Variants in VPS13B observed in about 807,000 individuals in gnomAD.
The protein encoded by VPS13B is intermembrane lipid transfer protein VPS13B.
VPS13B carries 285 observed loss-of-function variants against 426.4 expected under a neutral mutation model. The ratio of observed to expected loss-of-function variants is 0.67; its 90% confidence interval spans 0.61 to 0.74. The LOEUF is 0.74. Among genes scored for constraint, VPS13B ranks in the 30% least tolerant of loss-of-function variants. The pLI, the probability that VPS13B is intolerant of heterozygous loss-of-function variation, is 0.00. For synonymous variants in VPS13B, 1,676 were observed against 1,676.4 expected, an observed-to-expected ratio of 1.00 and a Z score of 0.01; for missense variants, 4,537 against 4,782.6, an observed-to-expected ratio of 0.95 and a Z score of 1.51.
intron 24 of VPS13B, among the ~76,000 whole-genome samples, chr8:99,478,060 CAACAT>C (rs1215971546): frequency 6.8e-6 from 1 of 146,614 alleles, no homozygotes; most frequent in African/African-American, 2.5e-5. Flanking sequence ...ACCACTTGAG[CAACAT>C]AACAACATGC....
chr8:99,263,884 C>G (rs957166076), intron 17 of VPS13B, among the ~76,000 whole-genome samples: 5 of 152,290 alleles, frequency 3.3e-5, no homozygotes, highest in African/African-American at 1.2e-4. Flanking sequence ...GGCCAATACT[C>G]ATAGCCTCTG....
intron 33 of VPS13B, 100 bp from the exon 34 acceptor site, chr8:99,641,711 T>C (rs1829370711): frequency 8.2e-7 from 1 of 1,220,714 alleles, no homozygotes; most frequent in Non-Finnish European, 1.1e-6. Flanking sequence ...ACTAGACTCA[T>C]TTTTAAAATT....
intron 43 of VPS13B, among the ~76,000 whole-genome samples, chr8:99,785,111 T>TTCCTG (rs1228285410): frequency 6.6e-6 from 1 of 152,296 alleles, no homozygotes; most frequent in Middle Eastern, 3.4e-3. Context: ...TAATTTCATT[T>TTCCTG]TCCTGTCCCT....
intron 3 of VPS13B, among the ~76,000 whole-genome samples, chr8:99,048,710 G>C (rs951146560): frequency 6.6e-6 from 1 of 152,010 alleles, no homozygotes; most frequent in Non-Finnish European, 1.5e-5. Flanking sequence ...AGCCACTCAG[G>C]GGGCTGAGGC....
rs148898705 is a variant in VPS13B at position 99,565,516 on chromosome 8, A to T, written c.4949+8863A>T. ...ACATTGAATATGGGGAACTATGGCT[A>T]TGTGTAGGCATTAAAATTCCTAAAC... On this transcript the variant is annotated intron_variant, in intron 31 of 61. Coordinates refer to ENST00000357162, the MANE Select transcript of VPS13B (RefSeq NM_152564.5). 6.2e-3 allele frequency among the ~76,000 whole-genome samples: 937 copies of T among 152,272 alleles called. 13 individuals are homozygous for T. Among genetic ancestry groups the T allele is most frequent in the African/African-American group, 0.021 (892 of 41,546 alleles).
chr8:99,183,615 G>A (rs1347849864), intron 16 of VPS13B, among the ~76,000 whole-genome samples: 1 of 151,984 alleles, frequency 6.6e-6, no homozygotes, highest in Non-Finnish European at 1.5e-5. Flanking sequence ...GACTTAAATT[G>A]GGTATTTTTT....
intron 21 of VPS13B, among the ~76,000 whole-genome samples, chr8:99,411,759 A>G (rs980892362): frequency 6.6e-6 from 1 of 152,166 alleles, no homozygotes; most frequent in Admixed American, 6.5e-5. Flanking sequence ...AGAAGGGCCC[A>G]GTTTCAGTTT....
intron 30 of VPS13B, among the ~76,000 whole-genome samples, 189 bp from the exon 31 acceptor site, chr8:99,556,261 G>A (rs1259082963): frequency 2.0e-5 from 3 of 150,942 alleles, no homozygotes; most frequent in African/African-American, 7.3e-5. Flanking sequence ...ATAAGTTTTG[G>A]ATATGTTTTC....
In VPS13B at chr8:99,543,296, T is replaced by C. The variant is rs551395891; in HGVS notation, c.4746-13154T>C. 2.0e-5 allele frequency among the ~76,000 whole-genome samples: 3 copies of C among 152,258 alleles called. No homozygotes were observed. The South Asian group carries it at 6.2e-4, about 32-fold the overall frequency. On this transcript the variant is annotated intron_variant, in intron 30 of 61. Coordinates refer to ENST00000357162, the MANE Select transcript of VPS13B (RefSeq NM_152564.5). Reference sequence around the variant, plus strand: ...GAAACTCAATCCCTTCCTTACACCTTATACAAAAATCAATTCAAGATGGAT... The same window carrying C: ...GAAACTCAATCCCTTCCTTACACCTCATACAAAAATCAATTCAAGATGGAT...
At chr8:99,150,872 G>C (rs1053372007) in intron 14 of VPS13B, among the ~76,000 whole-genome samples, 38 of 152,188 alleles carry the variant, frequency 2.5e-4, no homozygotes, top group African/African-American at 9.2e-4. Context: ...GTGTGGGCAT[G>C]TTTTCAACTC....
chr8:99,797,779 T>C (rs1011015938), intron 43 of VPS13B, among the ~76,000 whole-genome samples: 13 of 152,204 alleles, frequency 8.5e-5, no homozygotes, highest in African/African-American at 2.9e-4. Context: ...TAGCCTTTTG[T>C]GCTTATTCTA....
intron 33 of VPS13B, among the ~76,000 whole-genome samples, chr8:99,640,971 C>G (rs1829335386): frequency 6.6e-6 from 1 of 151,844 alleles, no homozygotes; most frequent in Admixed American, 6.6e-5. Context: ...AGTAAAATAT[C>G]TAGGTGCAGA....
At chr8:99,188,335 G>A (rs556364258) in intron 16 of VPS13B, among the ~76,000 whole-genome samples, 21 of 152,048 alleles carry the variant, frequency 1.4e-4, no homozygotes, top group Non-Finnish European at 2.5e-4. Flanking sequence ...AATATAATAT[G>A]TGACTTTTTG....
intron 19 of VPS13B, among the ~76,000 whole-genome samples, chr8:99,304,749 G>A (rs1015911776): frequency 3.3e-5 from 5 of 152,002 alleles, no homozygotes; most frequent in Non-Finnish European, 7.4e-5. Flanking sequence ...CATCCTAAAC[G>A]TTTCTGTTCT....
intron 30 of VPS13B, among the ~76,000 whole-genome samples, chr8:99,531,219 C>T (rs745819073): frequency 1.7e-4 from 26 of 152,138 alleles, no homozygotes; most frequent in Non-Finnish European, 2.9e-4. Flanking sequence ...ACATGCAATC[C>T]GTTTTTAGAG....
chr8:99,068,536 G>A lies in VPS13B; in HGVS notation c.292-27776G>A, dbSNP rs1375828498. On this transcript the variant is annotated intron_variant, in intron 3 of 61. Coordinates refer to ENST00000357162, the MANE Select transcript of VPS13B (RefSeq NM_152564.5). Reference sequence around the variant, plus strand: ...TTTCATGCTCCAATGGCAGAATTGAGAAGTTGCACATATTAGGCCGTTTTC... The same window carrying A: ...TTTCATGCTCCAATGGCAGAATTGAAAAGTTGCACATATTAGGCCGTTTTC... 4.6e-5 allele frequency among the ~76,000 whole-genome samples: 7 copies of A among 152,200 alleles called. No individual in the cohort carries two copies. In the East Asian group the frequency reaches 9.6e-4, roughly 21 times the overall value.
At chr8:99,684,125 T>C (rs550148980) in intron 35 of VPS13B, among the ~76,000 whole-genome samples, 20 of 152,362 alleles carry the variant, frequency 1.3e-4, no homozygotes, top group African/African-American at 4.6e-4. Flanking sequence ...TTTACATTGA[T>C]TGATCAAGGC....
chr8:99,602,297 C>T (rs544692059), intron 33 of VPS13B, among the ~76,000 whole-genome samples: 1 of 152,150 alleles, frequency 6.6e-6, no homozygotes, highest in Non-Finnish European at 1.5e-5. Context: ...TGTCAAAGAT[C>T]AGATGGTTGT....
chr8:99,640,025 T>TAATAAGAAGAAGAAGAAGAAGAAG (rs1374252143), intron 33 of VPS13B, among the ~76,000 whole-genome samples: 2 of 104,332 alleles, frequency 1.9e-5, no homozygotes, highest in African/African-American at 7.4e-5. Context: ...ATAATAATAA[T>TAATAAGAAGAAGAAGAAGAAGAAG]AAGAAGAAGA....
Sources: allele counts gnomAD v4.1 joint callset (sites outside exome capture counted in the v4.1 genomes callset), GRCh38; gene constraint gnomAD v4.1.1; transcripts MANE v1.5; gene names NCBI Gene and HGNC (gene_info 2026-07-23, HGNC 2026-07-21).